Variants in GORAB observed in about 807,000 individuals in gnomAD.
GORAB encodes the protein golgin, RAB6 interacting.
Under a neutral mutation model 29.9 loss-of-function variants are expected in GORAB, and 17 were observed. That is an observed-to-expected ratio of 0.57 (90% CI 0.39 to 0.85). GORAB has a LOEUF of 0.85. Ranked by LOEUF, GORAB falls within the 40% of genes least tolerant of loss-of-function variation. The pLI is 0.00. For synonymous variants in GORAB, 183 were observed against 157.2 expected (o/e 1.16, Z -1.23); for missense variants, 442 against 437.8 (o/e 1.01, Z -0.09).
Position 170,552,211 on chromosome 1 carries a change from G to A in GORAB, c.859G>A (p.Val287Met). The part of the protein sequence containing the change: ...EADEETLELE[V>M]EVERLLHEQE... ...CGATGAAGAGACTTTGGAGCTTGAG[G>A]TGGAGGTCGAGAGATTGCTACACGA... The change falls in exon 5 of 5, where the codon GTG becomes ATG. Residue 287 changes from valine (V) to methionine (M), a missense_variant. Val to Met is a conservative substitution (Grantham distance 21). Transcript: ENST00000367763. The A allele has an allele frequency of 1.2e-6, 2 of 1,614,132 alleles. No individual in the cohort carries two copies. Among genetic ancestry groups the A allele is most frequent in the Non-Finnish European group, 8.5e-7 (1 of 1,179,982 alleles).
chr1:170,545,708 A>G, intron 4 of GORAB: 2 of 985,052 alleles, frequency 2.0e-6, no homozygotes, highest in Non-Finnish European at 2.4e-6. Context: ...GTAAACCACA[A>G]CATCAGAATG....
At chr1:170,545,573 C>T in intron 4 of GORAB, 1 of 985,206 alleles carries the variant, frequency 1.0e-6, no homozygotes, top group Non-Finnish European at 1.2e-6. Context: ...GGTTTTCAGC[C>T]CTTTCAACAT....
chr1:170,532,504 C>T (rs1648757476), intron 1 of GORAB: 1 of 553,200 alleles, frequency 1.8e-6, no homozygotes, highest in Non-Finnish European at 3.2e-6. Context: ...TTAGAAAAAA[C>T]GGTCCAGGAA....
intron 1 of GORAB, 130 bp downstream of exon 1, chr1:170,532,414 G>A: frequency 2.0e-6 from 2 of 999,408 alleles, no homozygotes; most frequent in East Asian, 2.4e-5. Context: ...GTAAGTACGT[G>A]GACTGGATTA....
chr1:170,543,687 C>T (rs1447585435), intron 3 of GORAB, among the ~76,000 whole-genome samples: 4 of 137,214 alleles, frequency 2.9e-5, no homozygotes, highest in Non-Finnish European at 6.2e-5. Flanking sequence ...TTTTAGTAGT[C>T]TTCAATTTCT....
Position 170,543,161 on chromosome 1 carries a change from G to A in GORAB, c.521+569G>A, listed in dbSNP as rs190894716. ...TTCAATTTTTCTTTCACCTTCCAGT[G>A]TCTATCAGCAGCCCCTTCACATTTA... On this transcript the variant is annotated intron_variant, in intron 3 of 4. Transcript: ENST00000367763. Among the ~76,000 whole-genome samples, 5 of 152,258 alleles carry A rather than the reference G, an allele frequency of 3.3e-5. No homozygotes were observed. In the East Asian group the frequency reaches 9.7e-4, roughly 29 times the overall value.
chr1:170,539,121 C>T (rs1397741711), intron 1 of GORAB, 89 bp from the exon 2 acceptor site: 42 of 1,488,196 alleles, frequency 2.8e-5, no homozygotes, highest in Non-Finnish European at 3.7e-5. Context: ...GAATTATCAA[C>T]GTTTAATGTT....
intron 1 of GORAB, among the ~76,000 whole-genome samples, chr1:170,537,503 C>G (rs1187652652): frequency 6.6e-6 from 1 of 152,114 alleles, no homozygotes; most frequent in Non-Finnish European, 1.5e-5. Context: ...TGGTTTAAAA[C>G]CACTAAGATT....
At chr1:170,540,499 A>G (rs556748908) in intron 2 of GORAB, among the ~76,000 whole-genome samples, 10 of 151,002 alleles carry the variant, frequency 6.6e-5, no homozygotes, top group African/African-American at 1.9e-4. Flanking sequence ...TCCAGATTCT[A>G]TCCTGTGAAT....
In GORAB at chr1:170,552,214, G is replaced by C; in HGVS notation, c.862G>C (p.Glu288Gln). 4 of 1,614,128 alleles carry C rather than the reference G, an allele frequency of 2.5e-6. No homozygotes were observed. Among genetic ancestry groups the C allele is most frequent in the Non-Finnish European group, 3.4e-6 (4 of 1,179,986 alleles). Reference protein sequence around the residue: ...ADEETLELEVEVERLLHEQEV... With the variant: ...ADEETLELEVQVERLLHEQEV... ...TGAAGAGACTTTGGAGCTTGAGGTG[G>C]AGGTCGAGAGATTGCTACACGAACA... Residue 288 changes from glutamate to glutamine, a missense_variant, in exon 5 of 5, where the codon GAG (glutamate) becomes CAG (glutamine). By Grantham distance (29) the Glu-to-Gln change is conservative. Coordinates refer to ENST00000367763, the MANE Select transcript of GORAB (RefSeq NM_152281.3).
chr1:170,539,702 G>A, intron 2 of GORAB, 135 bp downstream of exon 2: 1 of 941,174 alleles, frequency 1.1e-6, no homozygotes, highest in African/African-American at 1.7e-5. Flanking sequence ...GGAATGTGAT[G>A]TATAAACTAT....
In GORAB at chr1:170,553,083, G is replaced by A. The variant is rs1189137326; in HGVS notation, c.*621G>A. 1 of 453,418 alleles carries A rather than the reference G, an allele frequency of 2.2e-6. No individual in the cohort carries two copies. The highest frequency in any genetic ancestry group is 2.4e-5 in the Admixed American group (1 of 42,480). 28.1% of individuals were successfully genotyped at this position (453,418 alleles called of 1,614,324 possible). A position where few individuals can be genotyped will look rare whatever the true frequency, so the allele number is the denominator to read the frequency against. The stretch of plus-strand genomic sequence containing the variant: ...CCAGTGATTTTAGTTTACAACCTGC[G>A]TTTTGTTATTTGAAACACACACACT... On this transcript the variant is annotated 3_prime_UTR_variant, in exon 5 of 5. Transcript: ENST00000367763.
chr1:170,543,346 G>A (rs1649557367), intron 3 of GORAB, among the ~76,000 whole-genome samples: 1 of 152,198 alleles, frequency 6.6e-6, no homozygotes, highest in African/African-American at 2.4e-5. Flanking sequence ...AAAACTAAAT[G>A]CAAGGAAGTA....
intron 4 of GORAB, chr1:170,545,514 A>T (rs902746160): frequency 1.0e-6 from 1 of 984,624 alleles, no homozygotes; most frequent in African/African-American, 1.7e-5. Flanking sequence ...AATGAATTAC[A>T]TGGACTTTGC....
intron 1 of GORAB, 51 bp downstream of exon 1, chr1:170,532,335 G>A: frequency 2.5e-6 from 4 of 1,591,766 alleles, no homozygotes; most frequent in Non-Finnish European, 3.4e-6. Flanking sequence ...AAGGGGAAGA[G>A]GCGGGGATGC....
At chr1:170,544,660 T>G in intron 3 of GORAB, 45 bp from the exon 4 acceptor site, 1 of 1,565,736 alleles carries the variant, frequency 6.4e-7, no homozygotes, top group Non-Finnish European at 8.8e-7. Flanking sequence ...GGACACATGG[T>G]TTTAAAATGT....
intron 4 of GORAB, among the ~76,000 whole-genome samples, chr1:170,550,446 C>G (rs1203528965): frequency 2.0e-5 from 3 of 152,168 alleles, no homozygotes; most frequent in Non-Finnish European, 4.4e-5. Context: ...AAAGAATAGC[C>G]TTTGATTCTG....
Position 170,553,010 on chromosome 1 carries a change from A to C in GORAB, c.*548A>C, listed in dbSNP as rs1238494083. Reference sequence around the variant, plus strand: ...AACTTGGAAACTGGAATTTATGTGAAGAACCAAACAACTTAAACCAGCATC... The same window carrying C: ...AACTTGGAAACTGGAATTTATGTGACGAACCAAACAACTTAAACCAGCATC... On this transcript the variant is annotated 3_prime_UTR_variant, in exon 5 of 5. Coordinates refer to ENST00000367763, the MANE Select transcript of GORAB (RefSeq NM_152281.3). 1 of 453,412 alleles carries C rather than the reference A, an allele frequency of 2.2e-6. No individual in the cohort carries two copies. Among genetic ancestry groups the C allele is most frequent in the Admixed American group, 2.4e-5 (1 of 42,480 alleles). The allele number at this position is 453,412 out of a possible 1,614,324, so 28.1% of individuals were successfully genotyped here. A position where few individuals can be genotyped will look rare whatever the true frequency, so the allele number is the denominator to read the frequency against.
intron 4 of GORAB, among the ~76,000 whole-genome samples, chr1:170,551,727 AATT>A (rs1650118979): frequency 6.6e-6 from 1 of 152,172 alleles, no homozygotes; most frequent in Non-Finnish European, 1.5e-5. Context: ...CATACCACTG[AATT>A]AACCTTTTAG....
Sources: gnomAD v4.1 joint callset for allele counts (sites outside exome capture counted in the v4.1 genomes callset) on GRCh38, gnomAD v4.1.1 for gene constraint, MANE v1.5 for transcripts, NCBI Gene and HGNC (gene_info 2026-07-23, HGNC 2026-07-21) for gene names.